The following TSNARE1 variants were observed in gnomAD, a reference collection of about 807,000 sequenced individuals.
The protein encoded by TSNARE1 is t-SNARE domain-containing protein 1.
A neutral mutation model predicts 62.0 loss-of-function variants in TSNARE1; 49 were observed. The ratio of observed to expected loss-of-function variants is 0.79; its 90% CI spans 0.63 to 1.00. The LOEUF is 1.00. Among genes scored for constraint, TSNARE1 ranks in the 50% least tolerant of loss-of-function variants. The pLI is 0.00. For missense variants in TSNARE1, 755 were observed against 700.1 expected (o/e 1.08, Z -0.88); for synonymous variants, 328 against 294.4 (o/e 1.11, Z -1.17).
intron 2 of TSNARE1, 135 bp from the exon 3 acceptor site, chr8:142,346,027 C>G: frequency 1.0e-6 from 1 of 1,001,060 alleles, no homozygotes; most frequent in South Asian, 1.6e-5. Context: ...GGAAGCCCTC[C>G]CTGCCTGCTA....
chr8:142,380,267 C>T (rs558945198), intron 1 of TSNARE1, among the ~76,000 whole-genome samples: 10 of 152,306 alleles, frequency 6.6e-5, no homozygotes, highest in African/African-American at 2.4e-4. Context: ...CCTTGCCCTC[C>T]GCAGATGGAT....
At chr8:142,244,030 C>CA (rs1817776243) in intron 12 of TSNARE1, among the ~76,000 whole-genome samples, 3 of 152,078 alleles carry the variant, frequency 2.0e-5, no homozygotes, top group Non-Finnish European at 2.9e-5. Flanking sequence ...ACTAAAAGTA[C>CA]AAAAAATTAG....
At chr8:142,234,209 C>T (rs185802134) in intron 12 of TSNARE1, among the ~76,000 whole-genome samples, 301 of 152,170 alleles carry the variant, frequency 2.0e-3, no homozygotes, top group Middle Eastern at 6.8e-3. Flanking sequence ...ATGACCACCA[C>T]CATGGGTTCA....
chr8:142,394,069 T>A (rs918752361), intron 1 of TSNARE1, among the ~76,000 whole-genome samples: 10 of 152,244 alleles, frequency 6.6e-5, no homozygotes, highest in Admixed American at 3.9e-4. Context: ...CCACGCTGGC[T>A]GCCCGTCTTC....
chr8:142,300,457 G>A (rs1489802896), intron 10 of TSNARE1, 29 bp downstream of exon 10: 1 of 1,582,750 alleles, frequency 6.3e-7, no homozygotes, highest in Non-Finnish European at 8.6e-7. Context: ...AGTGTGGAGA[G>A]TGAGCACGCT....
chr8:142,287,088 T>C (rs4077390), intron 10 of TSNARE1, among the ~76,000 whole-genome samples: 104,439 of 150,112 alleles, frequency 0.7, 37,263 homozygotes, highest in African/African-American at 0.84. Flanking sequence ...ACTACCACCA[T>C]CAACGCGGGG....
chr8:142,339,856 C>A (rs759979178), intron 4 of TSNARE1, among the ~76,000 whole-genome samples: 4 of 152,266 alleles, frequency 2.6e-5, no homozygotes, highest in Non-Finnish European at 5.9e-5. Context: ...CCCTCCTCCT[C>A]TGCAACCAGC....
At chr8:142,240,287 A>G (rs528167634) in intron 12 of TSNARE1, among the ~76,000 whole-genome samples, 1 of 152,380 alleles carries the variant, frequency 6.6e-6, no homozygotes, top group Admixed American at 6.5e-5. Flanking sequence ...GGTTCACTTC[A>G]CCAAGATGAT....
At chr8:142,230,854 A>G (rs1259224422) in intron 12 of TSNARE1, among the ~76,000 whole-genome samples, 3 of 151,734 alleles carry the variant, frequency 2.0e-5, no homozygotes, top group Admixed American at 1.3e-4. Context: ...CCATCTACCC[A>G]TCAATTCATC....
At chr8:142,277,961 G>C in intron 11 of TSNARE1, 1 of 985,342 alleles carries the variant, frequency 1.0e-6, no homozygotes, top group Non-Finnish European at 1.2e-6. Flanking sequence ...CCCCAAACCA[G>C]GTCTGCCTCT....
chr8:142,235,666 G>A (rs1458350635), intron 12 of TSNARE1, among the ~76,000 whole-genome samples: 1 of 152,088 alleles, frequency 6.6e-6, no homozygotes, highest in Non-Finnish European at 1.5e-5. Flanking sequence ...TGAAATGGGC[G>A]CATTCTGCTG....
chr8:142,358,627 A>C (rs1489469443), intron 1 of TSNARE1, among the ~76,000 whole-genome samples: 2 of 152,222 alleles, frequency 1.3e-5, no homozygotes, highest in East Asian at 3.9e-4. Context: ...CTCAGGGACA[A>C]AGGCTAACCC....
intron 9 of TSNARE1, among the ~76,000 whole-genome samples, chr8:142,311,194 C>T (rs1048298009): frequency 3.0e-4 from 44 of 148,952 alleles, no homozygotes; most frequent in African/African-American, 8.9e-4. Flanking sequence ...GACGGAGTTT[C>T]GCTCTTGTTG....
At chr8:142,309,489 T>C (rs949856480) in intron 9 of TSNARE1, among the ~76,000 whole-genome samples, 2 of 152,218 alleles carry the variant, frequency 1.3e-5, no homozygotes, top group Non-Finnish European at 2.9e-5. Flanking sequence ...TTTTATCGAG[T>C]GCTTTTTTCT....
At chr8:142,317,782 A>G (rs1265376124) in intron 7 of TSNARE1, among the ~76,000 whole-genome samples, 1 of 151,914 alleles carries the variant, frequency 6.6e-6, no homozygotes, top group East Asian at 1.9e-4. Context: ...ACATGGTGAA[A>G]CCCCACCTCT....
chr8:142,293,399 G>A (rs148250019), intron 10 of TSNARE1, among the ~76,000 whole-genome samples: 9 of 152,362 alleles, frequency 5.9e-5, no homozygotes, highest in East Asian at 3.9e-4. Context: ...CTCCTGGCGC[G>A]GGTTCTTCCC....
chr8:142,338,044 C>A (rs1832015333), intron 4 of TSNARE1, among the ~76,000 whole-genome samples: 1 of 152,344 alleles, frequency 6.6e-6, no homozygotes, highest in Middle Eastern at 3.4e-3. Flanking sequence ...CAGATTCCAT[C>A]TTCACACCAT....
intron 11 of TSNARE1, among the ~76,000 whole-genome samples, chr8:142,283,665 G>A (rs1822133691): frequency 1.3e-5 from 2 of 150,822 alleles, no homozygotes; most frequent in South Asian, 2.1e-4. Flanking sequence ...GTCTGTCAAT[G>A]AGCGGAGGTG....
intron 1 of TSNARE1, among the ~76,000 whole-genome samples, chr8:142,392,307 C>A (rs1837587780): frequency 6.6e-6 from 1 of 152,152 alleles, no homozygotes; most frequent in African/African-American, 2.4e-5. Context: ...CAGGCGTGAG[C>A]CACCACACCC....
Sources: gnomAD v4.1 joint callset for allele counts (sites outside exome capture counted in the v4.1 genomes callset) on GRCh38, gnomAD v4.1.1 for gene constraint, MANE v1.5 for transcripts, NCBI Gene and HGNC (gene_info 2026-07-23, HGNC 2026-07-21) for gene names.